PRKAA2: variants seen among roughly 807,000 people sequenced by gnomAD.
PRKAA2 encodes the protein 5'-AMP-activated protein kinase catalytic subunit alpha-2.
PRKAA2 carries 40 observed loss-of-function variants against 56.3 expected under a neutral mutation model. That is an observed-to-expected ratio of 0.71 (90% CI 0.55 to 0.92). The LOEUF (loss-of-function observed/expected upper bound fraction) is 0.92. Ranked by LOEUF, PRKAA2 falls within the 40% of genes least tolerant of loss-of-function variation. The pLI is 0.00. For missense variants in PRKAA2, 542 were observed against 686.9 expected (o/e 0.79, Z 2.36); for synonymous variants, 214 against 234.2 (o/e 0.91, Z 0.79).
chr1:56,664,887 C>CACAT (rs779661930), intron 1 of PRKAA2, among the ~76,000 whole-genome samples: 1 of 143,596 alleles, frequency 7.0e-6, no homozygotes, highest in Admixed American at 6.8e-5. Flanking sequence ...CACACACACA[C>CACAT]ACACATATAT....
chr1:56,677,243 T>C (rs1419288362), intron 2 of PRKAA2, among the ~76,000 whole-genome samples: 2 of 152,192 alleles, frequency 1.3e-5, no homozygotes, highest in Non-Finnish European at 2.9e-5. Context: ...CTAATTCCAG[T>C]CCTCTTTCAT....
At chr1:56,674,697 T>TAGACTG (rs1299273832) in intron 2 of PRKAA2, among the ~76,000 whole-genome samples, 175 bp downstream of exon 2, 1 of 152,022 alleles carries the variant, frequency 6.6e-6, no homozygotes, top group Non-Finnish European at 1.5e-5. Flanking sequence ...TACTCTTGGT[T>TAGACTG]AGACTGAACA....
At chr1:56,662,365 TG>T (rs1227471191) in intron 1 of PRKAA2, among the ~76,000 whole-genome samples, 1 of 151,994 alleles carries the variant, frequency 6.6e-6, no homozygotes, top group Non-Finnish European at 1.5e-5. Flanking sequence ...CATGGAAAAA[TG>T]GAATTAAAAG....
chr1:56,684,379 T>G (rs747732471), intron 2 of PRKAA2, among the ~76,000 whole-genome samples: 13 of 151,966 alleles, frequency 8.6e-5, no homozygotes, highest in African/African-American at 2.9e-4. Flanking sequence ...GCTAGAGAGA[T>G]AAATTTGGAA....
chr1:56,708,405 C>T lies in PRKAA2; in HGVS notation c.*692C>T, dbSNP rs1157836176. ...ATAATATATTTATCTTAAGAGCCTT[C>T]AAGTTTCAAATTAATATTGGAACAT... On this transcript the variant is annotated 3_prime_UTR_variant, in exon 9 of 9. Coordinates refer to ENST00000371244, the MANE Select transcript of PRKAA2 (RefSeq NM_006252.4). The T allele has an allele frequency of 1.3e-5, 2 of 152,156 alleles. No individual in the cohort carries two copies. The highest frequency in any genetic ancestry group is 1.5e-5 in the Non-Finnish European group (1 of 68,024). 9.4% of individuals were successfully genotyped at this position (152,156 alleles called of 1,614,324 possible). A position where few individuals can be genotyped will look rare whatever the true frequency, so the allele number is the denominator to read the frequency against.
intron 1 of PRKAA2, among the ~76,000 whole-genome samples, chr1:56,661,161 G>A (rs915189836): frequency 8.5e-5 from 13 of 152,062 alleles, no homozygotes; most frequent in Non-Finnish European, 4.4e-5. Context: ...CTCTTGGCTC[G>A]TCACAGCTTA....
rs577328548 is a variant in PRKAA2 at position 56,689,488 on chromosome 1, C to T, written c.237-1906C>T. 2.4e-3 allele frequency among the ~76,000 whole-genome samples: 362 copies of T among 152,192 alleles called. 1 individual carries two copies. Among genetic ancestry groups the T allele is most frequent in the Non-Finnish European group, 3.9e-3 (264 of 67,998 alleles). ...ATCCCAGCATTTTGGGAGGCCAAGG[C>T]GGGCAGATCACTTGAGGTCAGGAGT... is the stretch of plus-strand genomic sequence containing the variant. On this transcript the variant is annotated intron_variant, in intron 2 of 8. Coordinates refer to ENST00000371244, the MANE Select transcript of PRKAA2 (RefSeq NM_006252.4).
chr1:56,694,674 C>T (rs947489197), intron 5 of PRKAA2, among the ~76,000 whole-genome samples: 4 of 151,896 alleles, frequency 2.6e-5, no homozygotes, highest in East Asian at 3.9e-4. Context: ...TCTCTGGGGT[C>T]GCTCTTATAA....
Position 56,711,724 on chromosome 1 carries a change from A to G in PRKAA2, c.*4011A>G, listed in dbSNP as rs1210769367. On this transcript the variant is annotated 3_prime_UTR_variant, in exon 9 of 9. Transcript: ENST00000371244. ...GCAATCTGTTGGTAAGTCACATCCT[A>G]TGTTTGGCCTCATTTTTATAACTCC... The G allele has an allele frequency of 3.9e-5, 6 of 152,140 alleles. No individual in the cohort carries two copies. The highest frequency in any genetic ancestry group is 1.2e-4 in the African/African-American group (5 of 41,444). The allele number at this position is 152,140 out of a possible 1,614,324, so 9.4% of individuals were successfully genotyped here.
chr1:56,656,727 G>A (rs374782878), intron 1 of PRKAA2, among the ~76,000 whole-genome samples: 55 of 152,204 alleles, frequency 3.6e-4, no homozygotes, highest in African/African-American at 1.3e-3. Context: ...ACCCCTGTGT[G>A]ATGAGGAGGC....
rs369925387 is a variant in PRKAA2, at chr1:56,706,219, G to A, written c.1420+1G>A. The stretch of plus-strand genomic sequence containing the variant: ...CTTTTGGACTTTAAAAGCATTGATG[G>A]TAAGGAAGCTATGCATGCATGAGCT... On this transcript the variant is annotated splice_donor_variant, in intron 8 of 8. Transcript: ENST00000371244. LOFTEE classifies it high-confidence loss of function. 21 of 1,612,374 alleles carry A rather than the reference G, an allele frequency of 1.3e-5. No individual in the cohort carries two copies. The highest frequency in any genetic ancestry group is 1.8e-5 in the Non-Finnish European group (21 of 1,179,664).
intron 1 of PRKAA2, among the ~76,000 whole-genome samples, chr1:56,659,937 T>C (rs866540111): frequency 2.6e-5 from 4 of 152,280 alleles, no homozygotes; most frequent in Middle Eastern, 3.4e-3. Flanking sequence ...GAATACAGCA[T>C]ATCACATAAT....
chr1:56,674,244 G>T, intron 1 of PRKAA2, 137 bp from the exon 2 acceptor site: 1 of 631,794 alleles, frequency 1.6e-6, no homozygotes, highest in East Asian at 3.2e-5. Context: ...GAAGTAAAAA[G>T]AACTGTAGTT....
At chr1:56,676,259 C>CATGT (rs1644112468) in intron 2 of PRKAA2, among the ~76,000 whole-genome samples, 1 of 151,926 alleles carries the variant, frequency 6.6e-6, no homozygotes, top group Non-Finnish European at 1.5e-5. Flanking sequence ...TATCCTGGAT[C>CATGT]ATGTAGGTGG....
chr1:56,655,222 TA>T (rs1337044995), intron 1 of PRKAA2, among the ~76,000 whole-genome samples: 1 of 147,706 alleles, frequency 6.8e-6, no homozygotes, highest in African/African-American at 2.5e-5. Flanking sequence ...ATTTTCTTTT[TA>T]AAAAAATCAT....
intron 7 of PRKAA2, among the ~76,000 whole-genome samples, chr1:56,705,878 A>G (rs572751751): frequency 3.8e-4 from 58 of 152,278 alleles, no homozygotes; most frequent in South Asian, 8.3e-4. Flanking sequence ...TCAGTACCCC[A>G]AATTTATTCA....
Position 56,645,351 on chromosome 1 carries a change from A to C in PRKAA2, c.-37A>C. On this transcript the variant is annotated 5_prime_UTR_variant, in exon 1 of 9. Coordinates refer to ENST00000371244, the MANE Select transcript of PRKAA2 (RefSeq NM_006252.4). ...GGCGGCGGCGGCGGCGGCTACGCGG[A>C]GCGGCAGGCGGTGGAGCGAGGCCGC... 7.0e-7 allele frequency: 1 copy of C among 1,423,726 alleles called. No individual in the cohort carries two copies. Among genetic ancestry groups the C allele is most frequent in the South Asian group, 1.3e-5 (1 of 77,994 alleles). 88.2% of individuals were successfully genotyped at this position (1,423,726 alleles called of 1,614,324 possible).
chr1:56,693,693 T>C, intron 4 of PRKAA2, 72 bp from the exon 5 acceptor site: 1 of 1,044,384 alleles, frequency 9.6e-7, no homozygotes, highest in Non-Finnish European at 1.4e-6. Flanking sequence ...CTTGAAATTT[T>C]GCTCATATTT....
Position 56,697,028 on chromosome 1 carries a change from A to T in PRKAA2, c.788+869A>T, listed in dbSNP as rs867001140. Among the ~76,000 whole-genome samples the T allele has an allele frequency of 3.4e-3, 3 of 892 alleles. 1 individual carries two copies. Among genetic ancestry groups the T allele is most frequent in the African/African-American group, 8.6e-3 (3 of 350 alleles). The allele number at this position is 892 out of a possible 152,430, so 0.6% of individuals were successfully genotyped here. ...CAGCAAAGAATTTTTTTTTTTTTTTAAGGCAGGGTCTCACTCTGTCGCCCA... is the reference window on the plus strand; with the variant it reads ...CAGCAAAGAATTTTTTTTTTTTTTTTAGGCAGGGTCTCACTCTGTCGCCCA... On this transcript the variant is annotated intron_variant, in intron 6 of 8. Transcript: ENST00000371244.
Sources: allele counts gnomAD v4.1 joint callset (sites outside exome capture counted in the v4.1 genomes callset), GRCh38; gene constraint gnomAD v4.1.1; transcripts MANE v1.5; gene names NCBI Gene and HGNC (gene_info 2026-07-23, HGNC 2026-07-21).